Variants in MKLN1 observed in about 807,000 individuals in gnomAD.
MKLN1 encodes muskelin.
In MKLN1, 18 loss-of-function variants were observed where a neutral mutation model predicts 99.0. The ratio of observed to expected loss-of-function variants is 0.18; its 90% CI spans 0.13 to 0.27. The LOEUF (loss-of-function observed/expected upper bound fraction) is 0.27. Ranked by LOEUF, MKLN1 falls within the 10% of genes least tolerant of loss-of-function variation. The pLI, the probability that MKLN1 is intolerant of heterozygous loss-of-function variation, is 1.00. For synonymous variants in MKLN1, 288 were observed against 293.2 expected (o/e 0.98, Z 0.18); for missense variants, 621 against 875.9 (o/e 0.71, Z 3.67).
At chr7:131,137,287 A>AC (rs1157121973) in intron 1 of MKLN1, among the ~76,000 whole-genome samples, 1 of 152,042 alleles carries the variant, frequency 6.6e-6, no homozygotes, top group African/African-American at 2.4e-5. Flanking sequence ...GAAAAATGTT[A>AC]CCCCCCAAAT....
At chr7:131,369,342 C>T (rs1334793642) in intron 1 of MKLN1, among the ~76,000 whole-genome samples, 3 of 152,256 alleles carry the variant, frequency 2.0e-5, no homozygotes, top group East Asian at 3.9e-4. Flanking sequence ...GGATAATGCA[C>T]ATGTTCATCT....
chr7:131,486,095 CAGAGAG>C (rs141739452), intron 17 of MKLN1, among the ~76,000 whole-genome samples: 87 of 147,740 alleles, frequency 5.9e-4, no homozygotes, highest in Middle Eastern at 3.6e-3. Flanking sequence ...TGGAGAGAGA[CAGAGAG>C]AGAGAGAGAG....
At chr7:131,447,441 T>A (rs1796047957) in intron 12 of MKLN1, among the ~76,000 whole-genome samples, 1 of 152,168 alleles carries the variant, frequency 6.6e-6, no homozygotes, top group Non-Finnish European at 1.5e-5. Flanking sequence ...GGCTCATGTC[T>A]TTAATCCCAG....
chr7:131,278,645 C>G (rs546307131), intron 3 of MKLN1, among the ~76,000 whole-genome samples: 1 of 151,800 alleles, frequency 6.6e-6, no homozygotes, highest in Admixed American at 6.6e-5. Context: ...GACAGGGTGT[C>G]ATTCTGTTGA....
intron 2 of MKLN1, among the ~76,000 whole-genome samples, chr7:131,188,090 G>A (rs1038700380): frequency 6.6e-6 from 1 of 152,130 alleles, no homozygotes. Context: ...GTAAACAATA[G>A]GTTATCGAAT....
rs1797527378 is a variant in MKLN1, at chr7:131,495,282, A to G, written c.*7554A>G. ...AAAGATACAACTTCCTCCATAGCCA[A>G]TAAAATCTGTCTTTCCAAGTCTGCT... is the stretch of plus-strand genomic sequence containing the variant. On this transcript the variant is annotated 3_prime_UTR_variant, in exon 18 of 18. Coordinates refer to ENST00000352689, the MANE Select transcript of MKLN1 (RefSeq NM_013255.5). The G allele has an allele frequency of 6.6e-6, 1 of 152,186 alleles. No individual in the cohort carries two copies. The allele number at this position is 152,186 out of a possible 1,614,324, so 9.4% of individuals were successfully genotyped here.
At chr7:131,143,357 T>C (rs948762502) in intron 2 of MKLN1, among the ~76,000 whole-genome samples, 2 of 152,118 alleles carry the variant, frequency 1.3e-5, no homozygotes, top group African/African-American at 4.8e-5. Flanking sequence ...ATTCCGCTAC[T>C]TGGGAGGTTG....
chr7:131,351,412 G>A (rs1799716161), intron 1 of MKLN1, among the ~76,000 whole-genome samples: 1 of 151,968 alleles, frequency 6.6e-6, no homozygotes, highest in African/African-American at 2.4e-5. Flanking sequence ...TCCTCTATTT[G>A]TCATGCTTTA....
intron 8 of MKLN1, among the ~76,000 whole-genome samples, chr7:131,420,085 T>C (rs1033683118): frequency 6.6e-6 from 1 of 152,028 alleles, no homozygotes; most frequent in Non-Finnish European, 1.5e-5. Context: ...ATCATATAAA[T>C]GCTAAATGAC....
At chr7:131,375,327 C>A in intron 1 of MKLN1, 97 bp from the exon 2 acceptor site, 1 of 751,056 alleles carries the variant, frequency 1.3e-6, no homozygotes, top group Non-Finnish European at 2.3e-6. Context: ...AAGTTCCAAA[C>A]ATTACATAAC....
chr7:131,137,263 A>C (rs2116246738), intron 1 of MKLN1, among the ~76,000 whole-genome samples: 1 of 152,356 alleles, frequency 6.6e-6, no homozygotes, highest in South Asian at 2.1e-4. Context: ...ATGAATGAAT[A>C]TATAAAAAGA....
intron 9 of MKLN1, 31 bp from the exon 10 acceptor site, chr7:131,437,754 T>G: frequency 6.7e-7 from 1 of 1,487,080 alleles, no homozygotes; most frequent in Non-Finnish European, 9.3e-7. Flanking sequence ...CTTTATTTGT[T>G]TATTTATTTA....
intron 2 of MKLN1, among the ~76,000 whole-genome samples, chr7:131,188,437 A>T (rs557848221): frequency 3.5e-4 from 54 of 152,186 alleles, no homozygotes; most frequent in South Asian, 4.1e-4. Flanking sequence ...ATCAGCTGGT[A>T]TGTTCGCTTG....
intron 1 of MKLN1, among the ~76,000 whole-genome samples, chr7:131,113,014 C>T (rs986365026): frequency 6.6e-6 from 1 of 152,158 alleles, no homozygotes; most frequent in African/African-American, 2.4e-5. Context: ...AGGTACTGTG[C>T]TGGGTGCTGG....
chr7:131,259,596 G>A (rs1797704839), intron 3 of MKLN1, among the ~76,000 whole-genome samples: 1 of 151,942 alleles, frequency 6.6e-6, no homozygotes, highest in Admixed American at 6.6e-5. Flanking sequence ...ACTTTAATAA[G>A]GTTCACATAA....
At chr7:131,355,645 T>TATATATATATATATATATATAC (rs1457175030) in intron 1 of MKLN1, among the ~76,000 whole-genome samples, 9 of 133,594 alleles carry the variant, frequency 6.7e-5, no homozygotes, top group African/African-American at 2.2e-4. Context: ...TATATATATA[T>TATATATATATATATATATATAC]ATATGCTTTA....
intron 1 of MKLN1, among the ~76,000 whole-genome samples, chr7:131,138,497 A>G (rs1795685048): frequency 6.6e-6 from 1 of 152,194 alleles, no homozygotes; most frequent in Admixed American, 6.5e-5. Flanking sequence ...AGCCCTTACT[A>G]GTATTTACAT....
intron 4 of MKLN1, among the ~76,000 whole-genome samples, chr7:131,389,688 A>G (rs2116889825): frequency 6.6e-6 from 1 of 152,168 alleles, no homozygotes; most frequent in Non-Finnish European, 1.5e-5. Flanking sequence ...GAGCAATTAA[A>G]TCCTGGCTAA....
At chr7:131,396,218 G>A (rs1354540695) in intron 4 of MKLN1, among the ~76,000 whole-genome samples, 1 of 151,752 alleles carries the variant, frequency 6.6e-6, no homozygotes, top group African/African-American at 2.4e-5. Flanking sequence ...GATTATAGGC[G>A]CACGCCACCA....
Sources: allele counts gnomAD v4.1 joint callset (sites outside exome capture counted in the v4.1 genomes callset), GRCh38; gene constraint gnomAD v4.1.1; transcripts MANE v1.5; gene names NCBI Gene and HGNC (gene_info 2026-07-23, HGNC 2026-07-21).